The following NTN4 variants were observed in gnomAD, a reference collection of about 807,000 sequenced individuals.
The protein encoded by NTN4 is netrin-4.
Under a neutral mutation model 73.6 loss-of-function variants are expected in NTN4, and 32 were observed. The observed-to-expected ratio is 0.44, with a 90% CI of 0.33 to 0.58. The LOEUF is 0.58. Ranked by LOEUF, NTN4 falls within the 20% of genes least tolerant of loss-of-function variation. The pLI is 0.04. For missense variants in NTN4, 654 were observed against 798.3 expected, an observed-to-expected ratio of 0.82 and a Z score of 2.18; for synonymous variants, 258 against 287.5, an observed-to-expected ratio of 0.90 and a Z score of 1.04.
intron 2 of NTN4, among the ~76,000 whole-genome samples, chr12:95,761,675 A>C (rs1194125933): frequency 1.3e-5 from 2 of 152,190 alleles, no homozygotes; most frequent in African/African-American, 4.8e-5. Flanking sequence ...AAAAGACATT[A>C]GAAGAGTCAC....
chr12:95,733,109 T>C (rs1310144287), intron 3 of NTN4, among the ~76,000 whole-genome samples: 1 of 152,258 alleles, frequency 6.6e-6, no homozygotes, highest in Non-Finnish European at 1.5e-5. Context: ...TCTCACAGTA[T>C]TCTAAGGCCT....
intron 2 of NTN4, among the ~76,000 whole-genome samples, chr12:95,739,701 G>A (rs2121182079): frequency 6.6e-6 from 1 of 152,286 alleles, no homozygotes; most frequent in East Asian, 1.9e-4. Context: ...CAAGGACATG[G>A]AAAAGGACAC....
Position 95,670,109 on chromosome 12 carries a change from G to C in NTN4, c.1548C>G (p.Ala516=). 1 of 1,594,662 alleles carries C rather than the reference G, an allele frequency of 6.3e-7. No individual in the cohort carries two copies. The highest frequency in any genetic ancestry group is 1.3e-5 in the African/African-American group (1 of 74,622). ...CECKEQTLGN[A]KAFCGMKYSY... Reference sequence around the variant, plus strand: ...AATATTTCATTCCACAGAATGCCTTGGCATTTCCTAATGTCTGTTCCTTAC... The same window carrying C: ...AATATTTCATTCCACAGAATGCCTTCGCATTTCCTAATGTCTGTTCCTTAC... Residue 516 remains alanine (A), a synonymous_variant, in exon 8 of 10, where the codon GCC becomes GCG. Coordinates refer to ENST00000343702, the MANE Select transcript of NTN4 (RefSeq NM_021229.4).
chr12:95,758,439 T>A (rs1592707973), intron 2 of NTN4, among the ~76,000 whole-genome samples: 1 of 152,262 alleles, frequency 6.6e-6, no homozygotes, highest in African/African-American at 2.4e-5. Flanking sequence ...TATTGAGTTA[T>A]GAGTTCCTTA....
intron 2 of NTN4, among the ~76,000 whole-genome samples, chr12:95,752,233 ACT>A (rs2078913724): frequency 6.6e-6 from 1 of 150,992 alleles, no homozygotes; most frequent in African/African-American, 2.4e-5. Context: ...AAGCCTATAA[ACT>A]CTCGTTACAA....
At chr12:95,667,358 T>C (rs865989297) in intron 8 of NTN4, among the ~76,000 whole-genome samples, 1 of 151,846 alleles carries the variant, frequency 6.6e-6, no homozygotes. Flanking sequence ...CTAATTTTCA[T>C]ATATATATAT....
At chr12:95,690,395 T>A (rs777082053) in intron 5 of NTN4, among the ~76,000 whole-genome samples, 2 of 152,216 alleles carry the variant, frequency 1.3e-5, no homozygotes, top group Non-Finnish European at 2.9e-5. Context: ...ATTTTAAAGA[T>A]CTTTATACCG....
At chr12:95,686,052 A>G (rs1425926700) in intron 5 of NTN4, among the ~76,000 whole-genome samples, 2 of 151,702 alleles carry the variant, frequency 1.3e-5, no homozygotes, top group African/African-American at 4.9e-5. Context: ...CACCTGGCTA[A>G]TTTGTAATTT....
chr12:95,752,274 G>C (rs553914229), intron 2 of NTN4, among the ~76,000 whole-genome samples: 50 of 150,094 alleles, frequency 3.3e-4, no homozygotes, highest in Non-Finnish European at 7.1e-4. Context: ...CCTAGAACCA[G>C]ACAAGCCTTA....
chr12:95,683,573 C>T lies in NTN4; in HGVS notation c.1319G>A (p.Gly440Asp), dbSNP rs1198818605. 6.2e-7 allele frequency: 1 copy of T among 1,614,180 alleles called. No homozygotes were observed. Among genetic ancestry groups the T allele is most frequent in the Non-Finnish European group, 8.5e-7 (1 of 1,180,008 alleles). ...TGGTCGACAGCCATAGTCTCCGAAG[C>T]CCCAGTATCCCACCATGCACCTGTC... ...RCDRCMVGYW[G>D]FGDYGCRPCD... The change falls in exon 6 of 10, where the codon GGC (glycine) becomes GAC (aspartate). Residue 440 changes from glycine to aspartate, a missense_variant. Transcript: ENST00000343702.
At chr12:95,790,924 C>T (rs978063611), upstream of NTN4, among the ~76,000 whole-genome samples, 5 of 95,518 alleles carry the variant, frequency 5.2e-5, no homozygotes, top group African/African-American at 1.5e-4. The surrounding 1 kb of genome is among the most constrained non-coding windows in gnomAD (Gnocchi z 6.5). Context: ...CTGCCGCTGC[C>T]GCCCGGGGGG....
At chr12:95,754,652 T>A (rs1462740091) in intron 2 of NTN4, among the ~76,000 whole-genome samples, 1 of 152,166 alleles carries the variant, frequency 6.6e-6, no homozygotes, top group East Asian at 1.9e-4. Context: ...AATTTCCTTC[T>A]CCTGGCTCAG....
At chr12:95,699,935 A>G (rs1200433557) in intron 5 of NTN4, among the ~76,000 whole-genome samples, 1 of 152,146 alleles carries the variant, frequency 6.6e-6, no homozygotes, top group African/African-American at 2.4e-5. Flanking sequence ...AGACTATGTA[A>G]TAGTTTAAAA....
chr12:95,687,787 ATCT>A (rs2121008760), intron 5 of NTN4, among the ~76,000 whole-genome samples: 1 of 152,256 alleles, frequency 6.6e-6, no homozygotes, highest in East Asian at 1.9e-4. Flanking sequence ...AAGGATCTTT[ATCT>A]TCTTATTTTT....
chr12:95,671,070 C>T (rs1252323840), intron 7 of NTN4: 4 of 152,180 alleles, frequency 2.6e-5, no homozygotes, highest in Non-Finnish European at 5.9e-5. Context: ...GTGATCTCAG[C>T]TCATTGCAAC....
intron 2 of NTN4, among the ~76,000 whole-genome samples, chr12:95,774,961 T>G (rs897311851): frequency 6.6e-6 from 1 of 152,350 alleles, no homozygotes. Flanking sequence ...GAAATAGCAC[T>G]GGGCTAGAAG....
Position 95,683,715 on chromosome 12 carries a change from C to T in NTN4, c.1181-4G>A, listed in dbSNP as rs201397991. ...CCTACTGGATGGCAGGAACACGCTACAACAGAGAGGACACGCAAGGATCAA... is the reference window on the plus strand; with the variant it reads ...CCTACTGGATGGCAGGAACACGCTATAACAGAGAGGACACGCAAGGATCAA... On this transcript the variant is annotated splice_polypyrimidine_tract_variant and splice_region_variant and intron_variant, in intron 5 of 9. Coordinates refer to ENST00000343702, the MANE Select transcript of NTN4 (RefSeq NM_021229.4). 14 of 1,595,096 alleles carry T rather than the reference C, an allele frequency of 8.8e-6. No individual in the cohort carries two copies. The East Asian group carries it at 3.0e-4, about 34-fold the overall frequency.
chr12:95,728,859 G>A (rs2078714757), intron 3 of NTN4, among the ~76,000 whole-genome samples: 1 of 152,120 alleles, frequency 6.6e-6, no homozygotes, highest in Admixed American at 6.6e-5. Flanking sequence ...CATTCCCCTT[G>A]GCACTGCCCT....
chr12:95,775,148 A>G (rs763194292), intron 2 of NTN4, among the ~76,000 whole-genome samples: 17 of 152,346 alleles, frequency 1.1e-4, no homozygotes, highest in Admixed American at 3.9e-4. Context: ...TGTTGGTTTA[A>G]TTAATATCCA....
Sources: gnomAD v4.1 joint callset for allele counts (sites outside exome capture counted in the v4.1 genomes callset) on GRCh38, gnomAD v4.1.1 for gene constraint, Gnocchi (gnomAD v3.1) non-coding constraint, MANE v1.5 for transcripts, NCBI Gene and HGNC (gene_info 2026-07-23, HGNC 2026-07-21) for gene names.